Variants in TMEM232 observed in about 807,000 individuals in gnomAD.
TMEM232 encodes the protein transmembrane protein 232.
In TMEM232, 80 loss-of-function variants were observed where a neutral mutation model predicts 78.8. The observed-to-expected ratio is 1.01, with a 90% CI of 0.85 to 1.22. The LOEUF (loss-of-function observed/expected upper bound fraction) is 1.22. Among genes scored for constraint, TMEM232 ranks in the 50% most tolerant of loss-of-function variants. The pLI, the probability that TMEM232 is intolerant of heterozygous loss-of-function variation, is 0.00. For synonymous variants in TMEM232, 297 were observed against 254.3 expected, an observed-to-expected ratio of 1.17 and a Z score of -1.60; for missense variants, 881 against 742.2, an observed-to-expected ratio of 1.19 and a Z score of -2.17.
intron 10 of TMEM232, among the ~76,000 whole-genome samples, chr5:110,596,599 C>G (rs906014883): frequency 1.3e-4 from 20 of 152,196 alleles, no homozygotes; most frequent in South Asian, 4.1e-4. Flanking sequence ...GATGAACATT[C>G]ATGCAAAAAT....
In TMEM232 at chr5:110,558,832, G is replaced by T. The variant is rs555752454; in HGVS notation, c.1455+9615C>A. On this transcript the variant is annotated intron_variant, in intron 11 of 13. Coordinates refer to ENST00000455884, the MANE Select transcript of TMEM232 (RefSeq NM_001039763.4). ...GGGATTATGGGGTCTCCTGCAGCTA[G>T]GAATCTACAGGTCCATGGCAAGAGT... is the stretch of plus-strand genomic sequence containing the variant. Among the ~76,000 whole-genome samples, 5 of 152,264 alleles carry T rather than the reference G, an allele frequency of 3.3e-5. No homozygotes were observed. The South Asian group carries it at 1.0e-3, about 32-fold the overall frequency.
At chr5:110,473,734 G>C in intron 12 of TMEM232, among the ~76,000 whole-genome samples, 1 of 150,516 alleles carries the variant, frequency 6.6e-6, no homozygotes, top group Non-Finnish European at 1.5e-5. Context: ...TAGAATCAAT[G>C]TAAGTGTCGA....
At chr5:110,712,494 G>C (rs1037125069) in intron 1 of TMEM232, among the ~76,000 whole-genome samples, 5 of 151,950 alleles carry the variant, frequency 3.3e-5, no homozygotes, top group Non-Finnish European at 7.4e-5. Context: ...CATATAAAAA[G>C]GTGTTCAACA....
chr5:110,430,669 G>A (rs1236186606), intron 12 of TMEM232, among the ~76,000 whole-genome samples: 4 of 151,384 alleles, frequency 2.6e-5, no homozygotes, highest in East Asian at 1.9e-4. Context: ...CATCGATCAT[G>A]GGAATTTTTA....
chr5:110,635,749 C>CAA (rs200705322), intron 5 of TMEM232, among the ~76,000 whole-genome samples: 4 of 148,210 alleles, frequency 2.7e-5, no homozygotes, highest in African/African-American at 9.9e-5. Flanking sequence ...ATTAAAAAGA[C>CAA]AAAAAAAAAT....
intron 12 of TMEM232, among the ~76,000 whole-genome samples, chr5:110,462,738 T>C (rs763542610): frequency 1.3e-5 from 2 of 152,184 alleles, no homozygotes; most frequent in Non-Finnish European, 2.9e-5. Context: ...AACTCCCCTT[T>C]ATATATACAT....
At chr5:110,728,742 T>A (rs1031746117), upstream of TMEM232, among the ~76,000 whole-genome samples, 3 of 150,662 alleles carry the variant, frequency 2.0e-5, no homozygotes, top group Non-Finnish European at 4.4e-5. Flanking sequence ...AAAATGGCCA[T>A]TAATTAGCAA....
intron 2 of TMEM232, among the ~76,000 whole-genome samples, chr5:110,644,728 G>C (rs564084542): frequency 6.6e-6 from 1 of 151,420 alleles, no homozygotes; most frequent in African/African-American, 2.4e-5. Flanking sequence ...TAATCCTAAA[G>C]TTTGCAGAAA....
intron 10 of TMEM232, among the ~76,000 whole-genome samples, chr5:110,581,152 GA>G (rs946929318): frequency 6.6e-6 from 1 of 151,142 alleles, no homozygotes. Context: ...TACAGAAATA[GA>G]AAAAAAACAC....
At chr5:110,693,560 C>T (rs57422281) in intron 1 of TMEM232, among the ~76,000 whole-genome samples, 23,845 of 151,964 alleles carry the variant, frequency 0.16, 2,511 homozygotes, top group African/African-American at 0.3. Flanking sequence ...CCCTGAAAAA[C>T]GATTAGATGA....
chr5:110,686,891 T>C (rs1341018845), intron 1 of TMEM232, among the ~76,000 whole-genome samples: 1 of 152,108 alleles, frequency 6.6e-6, no homozygotes, highest in Non-Finnish European at 1.5e-5. Context: ...TCACGGTCAT[T>C]GTTAGGCCTC....
intron 1 of TMEM232, among the ~76,000 whole-genome samples, chr5:110,675,615 G>A (rs1054427134): frequency 2.0e-5 from 3 of 152,088 alleles, no homozygotes; most frequent in Non-Finnish European, 4.4e-5. Context: ...TAGCTCAGCT[G>A]GCACCTTTTC....
chr5:110,477,712 A>G lies in TMEM232; in HGVS notation c.1703+50876T>C, dbSNP rs558484126. Among the ~76,000 whole-genome samples, 5 of 152,024 alleles carry G rather than the reference A, an allele frequency of 3.3e-5. No individual in the cohort carries two copies. The South Asian group carries it at 1.0e-3, about 31-fold the overall frequency. On this transcript the variant is annotated intron_variant, in intron 12 of 13. Transcript: ENST00000455884. Reference sequence around the variant, plus strand: ...ATAAACTGCTTACAAAAAAAAATTCATAATGATGATAAACCATTGTCAACT... The same window carrying G: ...ATAAACTGCTTACAAAAAAAAATTCGTAATGATGATAAACCATTGTCAACT...
chr5:110,660,075 C>G (rs535115753), intron 2 of TMEM232, among the ~76,000 whole-genome samples: 1 of 152,056 alleles, frequency 6.6e-6, no homozygotes, highest in African/African-American at 2.4e-5. Flanking sequence ...TCAAAAAGTT[C>G]CATCAAATCT....
At chr5:110,392,280 G>A (rs1580541018) in intron 3 of TMEM232, among the ~76,000 whole-genome samples, 2 of 152,296 alleles carry the variant, frequency 1.3e-5, no homozygotes, top group Non-Finnish European at 2.9e-5. Context: ...ATAGACCTGA[G>A]TCAAAACCTT....
chr5:110,652,946 G>T (rs531257480), intron 2 of TMEM232, among the ~76,000 whole-genome samples: 3 of 152,264 alleles, frequency 2.0e-5, no homozygotes, highest in South Asian at 2.1e-4. Context: ...GAAGTCTCCT[G>T]GTTAAATAGG....
intron 10 of TMEM232, among the ~76,000 whole-genome samples, chr5:110,603,561 G>C (rs1781209490): frequency 6.6e-6 from 1 of 152,186 alleles, no homozygotes; most frequent in African/African-American, 2.4e-5. Flanking sequence ...AGTCTGTTTA[G>C]TGGTGGTTTA....
At chr5:110,454,096 T>C (rs1760617890) in intron 12 of TMEM232, among the ~76,000 whole-genome samples, 1 of 152,174 alleles carries the variant, frequency 6.6e-6, no homozygotes, top group Non-Finnish European at 1.5e-5. Flanking sequence ...TGGCAATTAA[T>C]ATAACAGACA....
chr5:110,476,947 G>C (rs1469391923), intron 12 of TMEM232, among the ~76,000 whole-genome samples: 1 of 151,964 alleles, frequency 6.6e-6, no homozygotes, highest in African/African-American at 2.4e-5. Context: ...TTAGAAACAT[G>C]AAATTCCCTT....
Sources: gnomAD v4.1 joint callset for allele counts (sites outside exome capture counted in the v4.1 genomes callset) on GRCh38, gnomAD v4.1.1 for gene constraint, MANE v1.5 for transcripts, NCBI Gene and HGNC (gene_info 2026-07-23, HGNC 2026-07-21) for gene names.